EVI5: variants seen among roughly 807,000 people sequenced by gnomAD.
EVI5 encodes ecotropic viral integration site 5, also known as ecotropic viral integration site 5 protein homolog.
Under a neutral mutation model 112.0 loss-of-function variants are expected in EVI5, and 73 were observed. That is an observed-to-expected ratio of 0.65 (90% CI 0.54 to 0.79). The LOEUF (loss-of-function observed/expected upper bound fraction) is 0.79. Ranked by LOEUF, EVI5 falls within the 30% of genes least tolerant of loss-of-function variation. The pLI, the probability that EVI5 is intolerant of heterozygous loss-of-function variation, is 0.00. For synonymous variants in EVI5, 305 were observed against 319.9 expected, an observed-to-expected ratio of 0.95 and a Z score of 0.50; for missense variants, 900 against 968.8, an observed-to-expected ratio of 0.93 and a Z score of 0.94.
chr1:92,590,399 C>T (rs1182576784), intron 18 of EVI5, among the ~76,000 whole-genome samples: 1 of 152,070 alleles, frequency 6.6e-6, no homozygotes, highest in Non-Finnish European at 1.5e-5. Flanking sequence ...ACTAGAATAA[C>T]CAATGCAGAG....
At chr1:92,670,190 C>T (rs1391909941) in intron 10 of EVI5, among the ~76,000 whole-genome samples, 3 of 152,126 alleles carry the variant, frequency 2.0e-5, no homozygotes, top group Non-Finnish European at 2.9e-5. Flanking sequence ...AGACAAAAAA[C>T]TTGTTATATA....
intron 19 of EVI5, among the ~76,000 whole-genome samples, chr1:92,542,476 T>G (rs1023794554): frequency 6.6e-6 from 1 of 152,230 alleles, no homozygotes; most frequent in Non-Finnish European, 1.5e-5. Flanking sequence ...CTCCTGTTAA[T>G]GTTGATATTT....
chr1:92,547,868 C>T (rs534292566), intron 19 of EVI5, among the ~76,000 whole-genome samples: 1 of 152,024 alleles, frequency 6.6e-6, no homozygotes, highest in South Asian at 2.1e-4. Context: ...GCCTACCAAC[C>T]AAAAAAAGTC....
In EVI5 at chr1:92,636,343, G is replaced by C. The variant is rs1658825495; in HGVS notation, c.1393-7C>G. The C allele has an allele frequency of 7.4e-6, 12 of 1,610,874 alleles. No homozygotes were observed. The highest frequency in any genetic ancestry group is 1.0e-5 in the Non-Finnish European group (12 of 1,177,906). ...AGTTGGAACTGCATTTATGCTAAAG[G>C]TTACAGACATACACTGAAATTTCAT... On this transcript the variant is annotated splice_polypyrimidine_tract_variant and splice_region_variant and intron_variant, in intron 13 of 19. Transcript: ENST00000684568.
chr1:92,756,114 TA>T, intron 1 of EVI5: 1 of 304,926 alleles, frequency 3.3e-6, no homozygotes. Context: ...ATAGTGTGCC[TA>T]AGCTGGAACA....
rs139440535 is a variant in EVI5, at chr1:92,527,446, T to G, written c.2167-13476A>C. ...AAAAAAAAAAAAAGAAAAAAAGAAA[T>G]AAAAGAAAAGAAAAAAAAAGTATGT... On this transcript the variant is annotated intron_variant, in intron 19 of 19. Transcript: ENST00000684568. 2.3e-3 allele frequency among the ~76,000 whole-genome samples: 305 copies of G among 133,448 alleles called. 1 individual carries two copies. The highest frequency in any genetic ancestry group is 7.4e-3 in the African/African-American group (266 of 36,072). 87.5% of individuals were successfully genotyped at this position (133,448 alleles called of 152,430 possible). A position where few individuals can be genotyped will look rare whatever the true frequency, so the allele number is the denominator to read the frequency against.
At chr1:92,555,848 C>CAAAAAAAAAAA (rs148221183) in intron 19 of EVI5, among the ~76,000 whole-genome samples, 1 of 94,146 alleles carries the variant, frequency 1.1e-5, no homozygotes, top group Non-Finnish European at 2.1e-5. Context: ...AAACTCGTCT[C>CAAAAAAAAAAA]AAAAAAAAAA....
At chr1:92,629,105 C>T (rs563786292) in intron 14 of EVI5, among the ~76,000 whole-genome samples, 27 of 152,302 alleles carry the variant, frequency 1.8e-4, no homozygotes, top group African/African-American at 6.5e-4. Flanking sequence ...TGCTCTAAAT[C>T]ATGTAACCCA....
At chr1:92,671,283 A>G (rs1195573067) in intron 10 of EVI5, among the ~76,000 whole-genome samples, 1 of 152,108 alleles carries the variant, frequency 6.6e-6, no homozygotes, top group African/African-American at 2.4e-5. Context: ...TTGACATGGT[A>G]AATCCTTCTC....
chr1:92,750,166 C>T (rs1570754201), intron 1 of EVI5, among the ~76,000 whole-genome samples: 2 of 151,778 alleles, frequency 1.3e-5, no homozygotes, highest in Non-Finnish European at 1.5e-5. Context: ...CCAAGTGGAA[C>T]TTATAGAAAT....
chr1:92,645,798 T>C (rs1247747691), intron 13 of EVI5, among the ~76,000 whole-genome samples: 2 of 152,162 alleles, frequency 1.3e-5, no homozygotes, highest in South Asian at 4.1e-4. Flanking sequence ...TAATGTCTCT[T>C]ATATCTAAAT....
chr1:92,589,726 G>A (rs989450150), intron 18 of EVI5, among the ~76,000 whole-genome samples: 5 of 152,306 alleles, frequency 3.3e-5, no homozygotes, highest in Admixed American at 1.3e-4. Context: ...AGAAACCTCC[G>A]CAGACTTAAA....
At chr1:92,601,643 G>A (rs1018610080) in intron 18 of EVI5, among the ~76,000 whole-genome samples, 1 of 152,058 alleles carries the variant, frequency 6.6e-6, no homozygotes, top group South Asian at 2.1e-4. Context: ...TCACATGTGG[G>A]ATACAAAAAG....
At chr1:92,791,127 G>A (rs1178703876) in intron 1 of EVI5, among the ~76,000 whole-genome samples, 1 of 152,196 alleles carries the variant, frequency 6.6e-6, no homozygotes, top group Non-Finnish European at 1.5e-5. Context: ...TCAATAGTGT[G>A]CCAGTTTCTA....
At chr1:92,625,343 C>T (rs765604409) in intron 15 of EVI5, among the ~76,000 whole-genome samples, 1 of 152,134 alleles carries the variant, frequency 6.6e-6, no homozygotes, top group Non-Finnish European at 1.5e-5. Context: ...TTCCCTCATA[C>T]ATGAATAAAT....
intron 9 of EVI5, among the ~76,000 whole-genome samples, chr1:92,689,464 G>C (rs755776747): frequency 1.5e-4 from 23 of 152,046 alleles, no homozygotes; most frequent in Non-Finnish European, 2.1e-4. Context: ...CCAGGCTCAA[G>C]TGATCCTCCC....
At chr1:92,776,326 T>C (rs529789607) in intron 1 of EVI5, among the ~76,000 whole-genome samples, 12 of 152,266 alleles carry the variant, frequency 7.9e-5, no homozygotes, top group South Asian at 4.1e-4. Context: ...AACTTCATGG[T>C]AAAAATTCTA....
intron 1 of EVI5, among the ~76,000 whole-genome samples, chr1:92,779,897 G>A (rs899500671): frequency 6.6e-5 from 10 of 152,294 alleles, no homozygotes; most frequent in African/African-American, 2.4e-4. Flanking sequence ...TAAAGTTTAT[G>A]TAAGGTACAG....
In EVI5 at chr1:92,511,113, G is replaced by A. The variant is rs755782430; in HGVS notation, c.*2543C>T. On this transcript the variant is annotated 3_prime_UTR_variant, in exon 20 of 20. Coordinates refer to ENST00000684568, the MANE Select transcript of EVI5 (RefSeq NM_001350197.2). ...ATCTATCTATCTGTATATATATTCA[G>A]GAAACATTTAAATCAAATTCATTTA... The A allele has an allele frequency of 2.0e-5, 3 of 152,078 alleles. No homozygotes were observed. Among genetic ancestry groups the A allele is most frequent in the Non-Finnish European group, 4.4e-5 (3 of 68,030 alleles). 9.4% of individuals were successfully genotyped at this position (152,078 alleles called of 1,614,324 possible).
Sources: allele counts gnomAD v4.1 joint callset (sites outside exome capture counted in the v4.1 genomes callset), GRCh38; gene constraint gnomAD v4.1.1; transcripts MANE v1.5; gene names NCBI Gene and HGNC (gene_info 2026-07-23, HGNC 2026-07-21).